RGN: variants seen among roughly 807,000 people sequenced by gnomAD.
The protein encoded by RGN is regucalcin.
Under a neutral mutation model 20.6 loss-of-function variants are expected in RGN, and 19 were observed. The observed-to-expected ratio is 0.92, with a 90% confidence interval of 0.64 to 1.35. The LOEUF is 1.35. Ranked by LOEUF, RGN falls within the 40% of genes most tolerant of loss-of-function variation. RGN has a pLI of 0.00. For synonymous variants in RGN, 85 were observed against 87.2 expected, an observed-to-expected ratio of 0.97 and a Z score of 0.14; for missense variants, 302 against 232.7, an observed-to-expected ratio of 1.30 and a Z score of -1.94.
intron 4 of RGN, among the ~76,000 whole-genome samples, 185 bp from the exon 5 acceptor site, chrX:47,089,591 A>AT (rs1556386223): frequency 7.2e-4 from 30 of 41,735 alleles, no homozygotes; most frequent in African/African-American, 1.3e-3. Flanking sequence ...ATATATATAT[A>AT]TATATATACA....
Position 47,092,139 on chromosome X carries a change from T to C in RGN, c.773T>C (p.Met258Thr), listed in dbSNP as rs1556388182. 8.3e-7 allele frequency: 1 copy of C among 1,205,753 alleles called. No individual in the cohort carries two copies. Among genetic ancestry groups the C allele is most frequent in the African/African-American group, 1.7e-5 (1 of 57,637 alleles). The change falls in exon 7 of 8, where the codon ATG (methionine) becomes ACG (threonine). Residue 258 changes from methionine to threonine, a missense_variant. Physicochemically the swap from Met to Thr is moderately conservative, Grantham distance 81. Transcript: ENST00000397180. The part of the protein sequence containing the change: ...CCFGGKNYSE[M>T]YVTCARDGMD... ...TTTGGAGGGAAGAATTACTCTGAAA[T>C]GTATGTGACCTGCGCCCGGGATGGG...
At chrX:47,090,951 A>AGAAAGAAAGAAAGAAGGAAGGAAG (rs1930970142) in intron 5 of RGN, among the ~76,000 whole-genome samples, 1 of 51,254 alleles carries the variant, frequency 2.0e-5, no homozygotes, top group Admixed American at 2.2e-4. Context: ...AAAGAAAGAA[A>AGAAAGAAAGAAAGAAGGAAGGAAG]GAAAGAAAGA....
At position 47,089,539 on chromosome X, in the gene RGN, TACATATTATATAC is replaced by T. The variant is rs1556386149; in HGVS notation, c.347-234_347-222del. Reference sequence around the variant, plus strand: ...TACATATTATATATACTCATATATATACATATTATATACACTTATATATACATATTATATATAC... The same window carrying T: ...TACATATTATATATACTCATATATATACTTATATATACATATTATATATAC... On this transcript the variant is annotated intron_variant, in intron 4 of 7. Transcript: ENST00000397180. 3.4e-4 allele frequency among the ~76,000 whole-genome samples: 25 copies of T among 73,901 alleles called. 2 individuals carry two copies. Among genetic ancestry groups the T allele is most frequent in the African/African-American group, 1.3e-3 (25 of 18,866 alleles). The allele number at this position is 73,901 out of a possible 115,157, so 64.2% of individuals were successfully genotyped here. A position where few individuals can be genotyped will look rare whatever the true frequency, so the allele number is the denominator to read the frequency against.
intron 4 of RGN, among the ~76,000 whole-genome samples, chrX:47,088,943 AAAAAGAAG>A (rs1224812954): frequency 3.0e-5 from 2 of 65,617 alleles, no homozygotes; most frequent in Non-Finnish European, 6.5e-5. Context: ...AAAAAAAAAA[AAAAAGAAG>A]AAGAAGAAGA....
At chrX:47,083,365 C>A (rs1569540118) in intron 3 of RGN, among the ~76,000 whole-genome samples, 6 of 108,198 alleles carry the variant, frequency 5.5e-5, no homozygotes, top group Admixed American at 3.0e-4. Flanking sequence ...CGACACTGCA[C>A]TCCAGCCTGG....
Position 47,089,971 on chromosome X carries a change from A to G in RGN, c.542A>G (p.Asp181Gly). The G allele has an allele frequency of 8.4e-7, 1 of 1,190,898 alleles. No individual in the cohort carries two copies. Residue 181 changes from aspartate (D) to glycine (G), a missense_variant, in exon 5 of 8, where the codon GAC becomes GGC. By Grantham distance (94) the Asp-to-Gly change is moderately conservative. Coordinates refer to ENST00000397180, the MANE Select transcript of RGN (RefSeq NM_152869.4). ...LSYSVDAFDY[D>G]LQTGQISNRR... Reference sequence around the variant, plus strand: ...TACTCCGTGGATGCCTTTGACTATGACCTGCAGACAGGACAGATCTGTATG... The same window carrying G: ...TACTCCGTGGATGCCTTTGACTATGGCCTGCAGACAGGACAGATCTGTATG...
chrX:47,087,182 G>A (rs1368591622), intron 4 of RGN, among the ~76,000 whole-genome samples: 1 of 111,568 alleles, frequency 9.0e-6, no homozygotes, highest in African/African-American at 3.3e-5. Context: ...AACCTTCTGA[G>A]TTAGCCGAAG....
rs144994343 is a variant in RGN at position 47,084,421 on chromosome X, C to T, written c.167C>T (p.Ala56Val). ...TKQVQRVTMD[A>V]PVSSVALRQS... ...AACTGTTGCTTTACCTCTACAGATGCCCCAGTCAGCTCCGTGGCTCTTCGC... is the reference window on the plus strand; with the variant it reads ...AACTGTTGCTTTACCTCTACAGATGTCCCAGTCAGCTCCGTGGCTCTTCGC... Residue 56 changes from alanine to valine, a missense_variant, in exon 4 of 8, where the codon GCC becomes GTC. Physicochemically the swap from Ala to Val is moderately conservative, Grantham distance 64. Transcript: ENST00000397180. 649 of 1,195,904 alleles carry T rather than the reference C, an allele frequency of 5.4e-4. 6 individuals carry two copies. The East Asian group carries it at 0.016, about 29-fold the overall frequency.
At chrX:47,090,208 G>T (rs1391378651) in intron 5 of RGN, among the ~76,000 whole-genome samples, 1 of 110,797 alleles carries the variant, frequency 9.0e-6, no homozygotes, top group Non-Finnish European at 1.9e-5. Context: ...CAAGAGTTTG[G>T]CATAATATGG....
intron 1 of RGN, among the ~76,000 whole-genome samples, chrX:47,078,912 A>G (rs1602437103): frequency 9.5e-6 from 1 of 105,576 alleles, no homozygotes; most frequent in South Asian, 4.3e-4. Context: ...TAAGACTGAT[A>G]GGATGAAGGC....
At chrX:47,091,959 A>C in intron 6 of RGN, 102 bp from the exon 7 acceptor site, 23 of 961,845 alleles carry the variant, frequency 2.4e-5, no homozygotes, top group Non-Finnish European at 3.3e-5. Context: ...AAATGCACAG[A>C]TGAATCCTGA....
At chrX:47,086,742 A>G (rs1024401841) in intron 4 of RGN, among the ~76,000 whole-genome samples, 2 of 67,948 alleles carry the variant, frequency 2.9e-5, no homozygotes, top group Non-Finnish European at 4.7e-5. Flanking sequence ...CAGGAGAGAG[A>G]GAGAGAGAGA....
chrX:47,084,676 A>G, intron 4 of RGN, 76 bp downstream of exon 4: 1 of 942,088 alleles, frequency 1.1e-6, no homozygotes, highest in South Asian at 2.6e-5. Context: ...CTCACTACTG[A>G]CCAGGGTGGT....
rs1290820677 is a variant in RGN at position 47,090,841 on chromosome X, G to A, written c.563-837G>A. Among the ~76,000 whole-genome samples, 5 of 99,275 alleles carry A rather than the reference G, an allele frequency of 5.0e-5. No homozygotes were observed. In the Admixed American group the frequency reaches 5.9e-4, roughly 12 times the overall value. 86.2% of individuals were successfully genotyped at this position (99,275 alleles called of 115,157 possible). On this transcript the variant is annotated intron_variant, in intron 5 of 7. Transcript: ENST00000397180. ...TCGCGCCACTGTACTCCTGCCTGACGACAGAGCGAGACACTGTCAAAAAAA... is the reference window on the plus strand; with the variant it reads ...TCGCGCCACTGTACTCCTGCCTGACAACAGAGCGAGACACTGTCAAAAAAA...
At chrX:47,086,734 GGAGAGAGAGAGAGAGAGAGAGAGA>G (rs781935920) in intron 4 of RGN, among the ~76,000 whole-genome samples, 31 of 50,522 alleles carry the variant, frequency 6.1e-4, no homozygotes, top group African/African-American at 1.6e-3. Flanking sequence ...AGTGATAACA[GGAGAGAGAGAGAGAGAGAGAGAGA>G]GAGAGAGAGA....
intron 4 of RGN, among the ~76,000 whole-genome samples, 172 bp from the exon 5 acceptor site, chrX:47,089,598 TACACAC>T (rs200155890): frequency 1.0e-4 from 7 of 69,989 alleles, no homozygotes; most frequent in African/African-American, 2.9e-4. Context: ...TATATATATA[TACACAC>T]ACACACACAC....
At chrX:47,086,798 C>T (rs1556384550) in intron 4 of RGN, among the ~76,000 whole-genome samples, 2 of 85,689 alleles carry the variant, frequency 2.3e-5, no homozygotes, top group African/African-American at 3.7e-5. Flanking sequence ...AGAGAGAGAA[C>T]GCATGCACCC....
At position 47,084,582 on chromosome X, in the gene RGN, G is replaced by T; in HGVS notation, c.328G>T (p.Ala110Ser). 4.2e-6 allele frequency: 5 copies of T among 1,189,657 alleles called. No individual in the cohort carries two copies. Among genetic ancestry groups the T allele is most frequent in the Non-Finnish European group, 5.7e-6 (5 of 883,147 alleles). Residue 110 changes from alanine to serine, a missense_variant, in exon 4 of 8, where the codon GCC becomes TCC. Coordinates refer to ENST00000397180, the MANE Select transcript of RGN (RefSeq NM_152869.4). The stretch of plus-strand genomic sequence containing the variant: ...CTTCAATGATGGGAAGGTGGATCCC[G>T]CCGGGAGGTACTTTGCTGGTAAGAT... The part of the protein sequence containing the change: ...NRFNDGKVDP[A>S]GRYFAGTMAE...
chrX:47,090,027 C>G (rs929610935), intron 5 of RGN, 36 bp downstream of exon 5: 1 of 1,031,641 alleles, frequency 9.7e-7, no homozygotes, highest in Admixed American at 2.5e-5. Context: ...AGTGCTGCCA[C>G]TATTGTTTTC....
Sources: gnomAD v4.1 joint callset for allele counts (sites outside exome capture counted in the v4.1 genomes callset) on GRCh38, gnomAD v4.1.1 for gene constraint, MANE v1.5 for transcripts, NCBI Gene and HGNC (gene_info 2026-07-23, HGNC 2026-07-21) for gene names.